The following TRAPPC8 variants were observed in gnomAD, a reference collection of about 807,000 sequenced individuals.
TRAPPC8 encodes general sporulation gene 1 homolog.
A neutral mutation model predicts 174.3 loss-of-function variants in TRAPPC8; 54 were observed. The ratio of observed to expected loss-of-function variants is 0.31; its 90% CI spans 0.25 to 0.39. The LOEUF is 0.39. Ranked by LOEUF, TRAPPC8 falls within the 10% of genes least tolerant of loss-of-function variation. TRAPPC8 has a pLI of 1.00. For synonymous variants in TRAPPC8, 630 were observed against 579.9 expected, an observed-to-expected ratio of 1.09 and a Z score of -1.24; for missense variants, 1,531 against 1,699.1, an observed-to-expected ratio of 0.90 and a Z score of 1.74.
Position 31,871,957 on chromosome 18 carries a change from T to TTAAAATATATGCATTTATA in TRAPPC8, c.2063-856_2063-838dup, listed in dbSNP as rs1598640872. The stretch of plus-strand genomic sequence containing the variant: ...CAAAGTTTAACAGCCATCGAGAGCT[T>TTAAAATATATGCATTTATA]TAAAATATATGCATTTATATAAAAT... On this transcript the variant is annotated intron_variant, in intron 14 of 28. Transcript: ENST00000283351. Among the ~76,000 whole-genome samples, 3 of 152,256 alleles carry TTAAAATATATGCATTTATA rather than the reference T, an allele frequency of 2.0e-5. No homozygotes were observed. In the East Asian group the frequency reaches 5.8e-4, roughly 29 times the overall value.
chr18:31,931,579 C>A, intron 1 of TRAPPC8, 56 bp from the exon 2 acceptor site: 2 of 1,351,170 alleles, frequency 1.5e-6, no homozygotes, highest in Non-Finnish European at 9.8e-7. Flanking sequence ...GCATAATAAC[C>A]CAAAATTGGG....
chr18:31,901,056 A>C (rs1393323244), intron 9 of TRAPPC8, 31 bp from the exon 10 acceptor site: 3 of 1,549,580 alleles, frequency 1.9e-6, no homozygotes, highest in Non-Finnish European at 2.6e-6. Flanking sequence ...TACATATTTC[A>C]AAAGAAGAAA....
intron 2 of TRAPPC8, among the ~76,000 whole-genome samples, chr18:31,923,368 C>T (rs1331557641): frequency 6.6e-6 from 1 of 152,120 alleles, no homozygotes; most frequent in Admixed American, 6.6e-5. Context: ...CTGTATATAA[C>T]AGACTTTCAA....
intron 22 of TRAPPC8, 35 bp from the exon 23 acceptor site, chr18:31,852,698 TCA>T: frequency 6.4e-7 from 1 of 1,553,846 alleles, no homozygotes; most frequent in Admixed American, 1.7e-5. Flanking sequence ...AAGATGTTTC[TCA>T]GTTCATCACA....
At chr18:31,901,090 A>G (rs2036403361) in intron 9 of TRAPPC8, 65 bp from the exon 10 acceptor site, 3 of 1,408,328 alleles carry the variant, frequency 2.1e-6, no homozygotes, top group East Asian at 4.9e-5. Context: ...TAGATGGGAA[A>G]CTAAAAGTTG....
Position 31,905,082 on chromosome 18 carries a change from T to C in TRAPPC8, c.1389+2378A>G, listed in dbSNP as rs558683394. Among the ~76,000 whole-genome samples the C allele has an allele frequency of 2.6e-5, 4 of 152,228 alleles. No homozygotes were observed. In the East Asian group the frequency reaches 5.8e-4, roughly 22 times the overall value. On this transcript the variant is annotated intron_variant, in intron 9 of 28. Transcript: ENST00000283351. ...TCCTATTACTGGTTTTGCTGTGATA[T>C]TTATTTTGCCTTTGTAGTTACTATG...
chr18:31,905,206 G>T (rs528570509), intron 9 of TRAPPC8, among the ~76,000 whole-genome samples: 1 of 152,158 alleles, frequency 6.6e-6, no homozygotes, highest in East Asian at 1.9e-4. Context: ...CATGTGAATG[G>T]TAAGGGAAGT....
intron 19 of TRAPPC8, among the ~76,000 whole-genome samples, chr18:31,859,036 T>C (rs1442549880): frequency 1.3e-5 from 2 of 152,112 alleles, no homozygotes; most frequent in East Asian, 3.9e-4. Context: ...GAGGTTGCAG[T>C]GAGCCAAGAT....
intron 11 of TRAPPC8, among the ~76,000 whole-genome samples, chr18:31,895,407 G>T (rs971681867): frequency 9.9e-5 from 15 of 152,096 alleles, no homozygotes; most frequent in Middle Eastern, 3.2e-3. Context: ...CTGGGTACGT[G>T]CACCACCACC....
chr18:31,877,605 C>T (rs1183423910), intron 12 of TRAPPC8, among the ~76,000 whole-genome samples: 20 of 68,392 alleles, frequency 2.9e-4, no homozygotes, highest in South Asian at 1.5e-3. Context: ...AGGGAGACTC[C>T]GTCTCAAAAA....
chr18:31,876,157 T>C (rs1168589220), intron 12 of TRAPPC8, among the ~76,000 whole-genome samples: 1 of 152,178 alleles, frequency 6.6e-6, no homozygotes, highest in Non-Finnish European at 1.5e-5. Flanking sequence ...TATGTATGTT[T>C]ATTATGTATC....
At chr18:31,878,538 G>T (rs2035273556) in intron 12 of TRAPPC8, among the ~76,000 whole-genome samples, 1 of 152,090 alleles carries the variant, frequency 6.6e-6, no homozygotes, top group South Asian at 2.1e-4. Context: ...GATGATACCT[G>T]CTAACCATAA....
At chr18:31,937,512 G>A (rs942318797) in intron 1 of TRAPPC8, 1 of 151,892 alleles carries the variant, frequency 6.6e-6, no homozygotes, top group Admixed American at 6.6e-5. Context: ...AACAGAGTGA[G>A]GCTCTGTCTC....
In TRAPPC8 at chr18:31,877,277, G is replaced by A. The variant is rs533977259; in HGVS notation, c.1729-2573C>T. 6.6e-5 allele frequency among the ~76,000 whole-genome samples: 10 copies of A among 152,270 alleles called. No individual in the cohort carries two copies. The South Asian group carries it at 2.1e-3, about 32-fold the overall frequency. On this transcript the variant is annotated intron_variant, in intron 12 of 28. Coordinates refer to ENST00000283351, the MANE Select transcript of TRAPPC8 (RefSeq NM_014939.5). ...GGGAGCTGGCAGACGTGTCCTTGGG[G>A]AAAGCACTTTTCATGCTTTTTGTGG...
Position 31,874,516 on chromosome 18 carries a change from C to T in TRAPPC8, c.1917G>A (p.Gln639=), listed in dbSNP as rs2035045958. The T allele has an allele frequency of 6.2e-7, 1 of 1,614,060 alleles. No homozygotes were observed. The highest frequency in any genetic ancestry group is 2.2e-5 in the East Asian group (1 of 44,864). Residue 639 remains glutamine, a synonymous_variant, in exon 13 of 29, where the codon CAG becomes CAA. Transcript: ENST00000283351. ...AAAGATATTCTCTGAGGAAAGCCCCCTGTTGAGCAGCAGATTGTTTACTTT... is the reference window on the plus strand; with the variant it reads ...AAAGATATTCTCTGAGGAAAGCCCCTTGTTGAGCAGCAGATTGTTTACTTT... ...INESKQSAAQ[Q]GAFLREYLYV...
At chr18:31,883,131 G>A (rs943308504) in intron 12 of TRAPPC8, among the ~76,000 whole-genome samples, 8 of 150,706 alleles carry the variant, frequency 5.3e-5, no homozygotes, top group Non-Finnish European at 1.0e-4. Flanking sequence ...GCTGAGGCAG[G>A]AGAATCACTT....
chr18:31,886,344 GGAAAA>G (rs1345458384), intron 12 of TRAPPC8, among the ~76,000 whole-genome samples: 10 of 71,262 alleles, frequency 1.4e-4, no homozygotes, highest in African/African-American at 3.7e-4. Flanking sequence ...TGTTTCTTGA[GGAAAA>G]AAAAAAAAAA....
intron 1 of TRAPPC8, among the ~76,000 whole-genome samples, chr18:31,939,018 T>G (rs765485234): frequency 1.4e-5 from 2 of 140,226 alleles, no homozygotes; most frequent in African/African-American, 5.3e-5. Flanking sequence ...AGGCGGAGCT[T>G]GCAGTGAGCC....
chr18:31,942,544 G>A (rs1286599570), intron 1 of TRAPPC8, 64 bp downstream of exon 1: 39 of 1,455,672 alleles, frequency 2.7e-5, no homozygotes, highest in Non-Finnish European at 3.5e-5. Context: ...CTGCCCGCCC[G>A]CAACTTCCTT....
Sources: gnomAD v4.1 joint callset for allele counts (sites outside exome capture counted in the v4.1 genomes callset) on GRCh38, gnomAD v4.1.1 for gene constraint, MANE v1.5 for transcripts, NCBI Gene and HGNC (gene_info 2026-07-23, HGNC 2026-07-21) for gene names.